Variants in ARVCF observed in about 807,000 individuals in gnomAD.
ARVCF encodes splicing regulator ARVCF.
ARVCF carries 66 observed loss-of-function variants against 90.9 expected under a neutral mutation model. The observed-to-expected ratio is 0.73, with a 90% confidence interval of 0.60 to 0.89. ARVCF has a LOEUF of 0.89. Among genes scored for constraint, ARVCF ranks in the 40% least tolerant of loss-of-function variants. ARVCF has a pLI of 0.00. For missense variants in ARVCF, 1,469 were observed against 1,382.3 expected, an observed-to-expected ratio of 1.06 and a Z score of -1.00; for synonymous variants, 653 against 603.4, an observed-to-expected ratio of 1.08 and a Z score of -1.21.
chr22:19,979,221 G>T, intron 6 of ARVCF, 141 bp from the exon 7 acceptor site: 2 of 912,114 alleles, frequency 2.2e-6, no homozygotes, highest in Non-Finnish European at 3.2e-6. Context: ...AGCCGTGAGT[G>T]GTTCCGGGGG....
In ARVCF at chr22:20,016,677, C is replaced by G. The variant is rs894251637; in HGVS notation, c.-161G>C. ...CGTTGGCGCGCGGGGAGCGGCGTTC[C>G]CAGGGCGCGGCGCGGTGCGGCGCGG... On this transcript the variant is annotated 5_prime_UTR_variant, in exon 1 of 20. Coordinates refer to ENST00000263207, the MANE Select transcript of ARVCF (RefSeq NM_001670.3). 6.6e-6 allele frequency: 1 copy of G among 150,890 alleles called. No individual in the cohort carries two copies. Among genetic ancestry groups the G allele is most frequent in the African/African-American group, 2.4e-5 (1 of 41,176 alleles). 9.3% of individuals were successfully genotyped at this position (150,890 alleles called of 1,614,324 possible). A position where few individuals can be genotyped will look rare whatever the true frequency, so the allele number is the denominator to read the frequency against.
Position 19,969,996 on chromosome 22 carries a change from CTTCTGT to C in ARVCF, c.*754_*759del, listed in dbSNP as rs374832585. The C allele has an allele frequency of 3.0e-4, 298 of 985,594 alleles. No homozygotes were observed. In the African/African-American group the frequency reaches 4.9e-3, roughly 16 times the overall value. 61.1% of individuals were successfully genotyped at this position (985,594 alleles called of 1,614,324 possible). Reference sequence around the variant, plus strand: ...TTTAATGCTTTTTCTCAGTGTTTTTCTTCTGTTTCTGAGTCACGAACAGCAGGCACT... The same window carrying C: ...TTTAATGCTTTTTCTCAGTGTTTTTCTTCTGAGTCACGAACAGCAGGCACT... On this transcript the variant is annotated 3_prime_UTR_variant, in exon 20 of 20. Transcript: ENST00000263207.
At chr22:19,996,792 G>A (rs571949244) in intron 2 of ARVCF, among the ~76,000 whole-genome samples, 15 of 152,282 alleles carry the variant, frequency 9.9e-5, no homozygotes, top group African/African-American at 3.1e-4. Flanking sequence ...CTCCCCAGGG[G>A]CCAGGGCGGT....
chr22:20,007,512 G>A (rs1021889508), intron 2 of ARVCF, among the ~76,000 whole-genome samples: 5 of 152,264 alleles, frequency 3.3e-5, no homozygotes, highest in African/African-American at 9.6e-5. Flanking sequence ...TGGGCTGAAC[G>A]TGTCCCCCAA....
intron 3 of ARVCF, among the ~76,000 whole-genome samples, chr22:19,988,328 G>A (rs1943897317): frequency 6.6e-6 from 1 of 152,246 alleles, no homozygotes; most frequent in Non-Finnish European, 1.5e-5. Flanking sequence ...TGGAACCCCT[G>A]GAGCAGAGCG....
chr22:19,978,758 A>G, intron 7 of ARVCF, 139 bp downstream of exon 7: 7 of 1,080,062 alleles, frequency 6.5e-6, no homozygotes, highest in Non-Finnish European at 9.1e-6. Context: ...CCCACTTCTC[A>G]TCCACAGGAC....
chr22:19,973,997 G>C, intron 12 of ARVCF, 115 bp downstream of exon 12: 1 of 1,511,200 alleles, frequency 6.6e-7, no homozygotes, highest in Non-Finnish European at 8.9e-7. Context: ...CTTGGATCCT[G>C]GGGTGGTGGT....
rs1371574541 is a variant in ARVCF, at chr22:19,972,973, C to G, written c.2502G>C (p.Glu834Asp). 2 of 1,613,774 alleles carry G rather than the reference C, an allele frequency of 1.2e-6. No homozygotes were observed. The highest frequency in any genetic ancestry group is 1.7e-5 in the Admixed American group (1 of 60,038). The part of the protein sequence containing the change: ...HVLQTVWSYK[E>D]LRGTLQKDGW... ...CATCTTTCTGCAAGGTACCACGCAGCTCCTTGTAGCTCCACACTGTCTGCA... is the reference window on the plus strand; with the variant it reads ...CATCTTTCTGCAAGGTACCACGCAGGTCCTTGTAGCTCCACACTGTCTGCA... The change falls in exon 15 of 20, where the codon GAG becomes GAC. Residue 834 changes from glutamate to aspartate, a missense_variant. Transcript: ENST00000263207.
chr22:20,015,376 G>A (rs542915481), intron 1 of ARVCF, among the ~76,000 whole-genome samples: 64 of 152,280 alleles, frequency 4.2e-4, no homozygotes, highest in Middle Eastern at 3.4e-3. Context: ...TCACACTGTC[G>A]CCTGATCTAA....
chr22:20,011,758 G>A (rs986405708), intron 1 of ARVCF, among the ~76,000 whole-genome samples: 1 of 152,226 alleles, frequency 6.6e-6, no homozygotes, highest in African/African-American at 2.4e-5. Context: ...CAAGGTCTGA[G>A]GCTTAGGAAC....
chr22:19,992,293 G>A (rs1247841184), intron 2 of ARVCF, among the ~76,000 whole-genome samples: 2 of 152,230 alleles, frequency 1.3e-5, no homozygotes, highest in Non-Finnish European at 2.9e-5. Flanking sequence ...CATGAGTGGA[G>A]GAGCTGTTTT....
chr22:19,970,560 G>A lies in ARVCF; in HGVS notation c.*196C>T, dbSNP rs897941961. 10 of 903,516 alleles carry A rather than the reference G, an allele frequency of 1.1e-5. No individual in the cohort carries two copies. Among genetic ancestry groups the A allele is most frequent in the African/African-American group, 1.1e-4 (6 of 54,900 alleles). 56.0% of individuals were successfully genotyped at this position (903,516 alleles called of 1,614,324 possible). A position where few individuals can be genotyped will look rare whatever the true frequency, so the allele number is the denominator to read the frequency against. ...AGTAAACAGCTAACTCAGGCCTAGG[G>A]AGTTAGGTAGGATGGGGGGAGTGGG... On this transcript the variant is annotated 3_prime_UTR_variant, in exon 20 of 20. Coordinates refer to ENST00000263207, the MANE Select transcript of ARVCF (RefSeq NM_001670.3).
chr22:19,980,481 TC>T, intron 5 of ARVCF: 1 of 511,680 alleles, frequency 2.0e-6, no homozygotes, highest in Non-Finnish European at 3.2e-6. Flanking sequence ...CAGGCAACCC[TC>T]CCAGGACAGC....
Position 19,971,329 on chromosome 22 carries a change from G to A in ARVCF, c.2788C>T (p.Pro930Ser). 6.4e-7 allele frequency: 1 copy of A among 1,553,304 alleles called. No homozygotes were observed. The highest frequency in any genetic ancestry group is 8.7e-7 in the Non-Finnish European group (1 of 1,148,528). ...ASEKEPLKLD[P>S]SRKAPPPGPS... Reference sequence around the variant, plus strand: ...CCGGGGGGAGGGGCCTTCCTGCTGGGGTCGAGCTGCAGCGCACGGGTGGGC... The same window carrying A: ...CCGGGGGGAGGGGCCTTCCTGCTGGAGTCGAGCTGCAGCGCACGGGTGGGC... Residue 930 changes from proline (P) to serine (S), a missense_variant, in exon 19 of 20, where the codon CCC (proline) becomes TCC (serine). Pro to Ser is a moderately conservative substitution (Grantham distance 74). Coordinates refer to ENST00000263207, the MANE Select transcript of ARVCF (RefSeq NM_001670.3).
At chr22:19,976,792 T>A (rs536768776) in intron 9 of ARVCF, 69 bp from the exon 10 acceptor site, 2 of 1,529,806 alleles carry the variant, frequency 1.3e-6, no homozygotes. Context: ...CACCCCCCCA[T>A]GCCCTCCCGG....
chr22:19,983,782 C>G (rs920287670), intron 3 of ARVCF: 11 of 152,272 alleles, frequency 7.2e-5, no homozygotes, highest in African/African-American at 2.4e-4. Context: ...AGGTGGAATG[C>G]CTGCTGTGGA....
chr22:19,968,900 C>T, downstream of ARVCF: 1 of 640,912 alleles, frequency 1.6e-6, no homozygotes. Context: ...AACTGCAACA[C>T]TGGATTGTTC....
In ARVCF at chr22:19,978,907, CCGA is replaced by C; in HGVS notation, c.1567_1569del (p.Ser523del). The C allele has an allele frequency of 6.2e-7, 1 of 1,610,726 alleles. No homozygotes were observed. Among genetic ancestry groups the C allele is most frequent in the Non-Finnish European group, 8.5e-7 (1 of 1,178,282 alleles). On this transcript the variant is annotated inframe_deletion, in exon 7 of 20. Transcript: ENST00000263207. Reference sequence around the variant, plus strand: ...AGGTCTGGTCCACACCTCAGGCAGCCCGACGTGTTCTTGAAGACAGTTGTCCAC... The same window carrying C: ...AGGTCTGGTCCACACCTCAGGCAGCCCGTGTTCTTGAAGACAGTTGTCCAC...
chr22:20,013,176 C>T (rs531455254), intron 1 of ARVCF, among the ~76,000 whole-genome samples: 1 of 152,384 alleles, frequency 6.6e-6, no homozygotes, highest in South Asian at 2.1e-4. Context: ...TCCACTACAG[C>T]AAAACCGAGT....
Sources: allele counts gnomAD v4.1 joint callset (sites outside exome capture counted in the v4.1 genomes callset), GRCh38; gene constraint gnomAD v4.1.1; transcripts MANE v1.5; gene names NCBI Gene and HGNC (gene_info 2026-07-23, HGNC 2026-07-21).